The following NR5A2 variants were observed in gnomAD, a reference collection of about 807,000 sequenced individuals.
NR5A2 encodes the protein CYP7A promoter-binding factor.
A neutral mutation model predicts 62.7 loss-of-function variants in NR5A2; 26 were observed. That is an observed-to-expected ratio of 0.41 (90% CI 0.30 to 0.58). The LOEUF (loss-of-function observed/expected upper bound fraction) is 0.58. Ranked by LOEUF, NR5A2 falls within the 20% of genes least tolerant of loss-of-function variation. The pLI, the probability that NR5A2 is intolerant of heterozygous loss-of-function variation, is 0.22. For synonymous variants in NR5A2, 246 were observed against 241.7 expected, an observed-to-expected ratio of 1.02 and a Z score of -0.16; for missense variants, 541 against 669.1, an observed-to-expected ratio of 0.81 and a Z score of 2.11.
At chr1:200,070,698 C>T (rs1237301059) in intron 5 of NR5A2, among the ~76,000 whole-genome samples, 1 of 150,712 alleles carries the variant, frequency 6.6e-6, no homozygotes, top group African/African-American at 2.4e-5. Flanking sequence ...AAAAAAATCA[C>T]TCACTGTTCC....
At chr1:200,054,833 A>G (rs1000308757) in intron 5 of NR5A2, among the ~76,000 whole-genome samples, 6 of 152,078 alleles carry the variant, frequency 3.9e-5, no homozygotes, top group Non-Finnish European at 8.8e-5. Context: ...ATGCAGGCCT[A>G]TAATCTCAGA....
intron 1 of NR5A2, 72 bp downstream of exon 1, chr1:200,027,983 G>T: frequency 1.8e-6 from 2 of 1,115,012 alleles, no homozygotes; most frequent in South Asian, 1.7e-5. Context: ...TCTTGTTGAT[G>T]GATTTTGCAT....
At chr1:200,109,792 T>C (rs1426705125) in intron 5 of NR5A2, among the ~76,000 whole-genome samples, 2 of 152,212 alleles carry the variant, frequency 1.3e-5, no homozygotes, top group Admixed American at 6.5e-5. Flanking sequence ...TGAGATGGAA[T>C]CTTGCTCTGT....
intron 5 of NR5A2, among the ~76,000 whole-genome samples, chr1:200,078,801 T>C (rs1396716141): frequency 6.6e-6 from 1 of 152,234 alleles, no homozygotes; most frequent in African/African-American, 2.4e-5. Context: ...TAATGAATAG[T>C]GTAAGCCTCA....
intron 7 of NR5A2, among the ~76,000 whole-genome samples, chr1:200,156,633 G>A (rs897671879): frequency 5.3e-5 from 8 of 151,894 alleles, no homozygotes; most frequent in Non-Finnish European, 4.4e-5. Flanking sequence ...TCCTGACCTC[G>A]TGATCCACCC....
intron 5 of NR5A2, among the ~76,000 whole-genome samples, chr1:200,052,437 T>G (rs570886979): frequency 3.9e-5 from 6 of 152,186 alleles, no homozygotes; most frequent in Non-Finnish European, 1.5e-5. Flanking sequence ...CCTCCTGCCT[T>G]GGCCTCCTGA....
At chr1:200,088,216 T>G (rs117748982) in intron 5 of NR5A2, among the ~76,000 whole-genome samples, 2,909 of 149,892 alleles carry the variant, frequency 0.019, 38 homozygotes, top group East Asian at 0.052. Flanking sequence ...CTTGTTTTTT[T>G]TTGTTGTTGT....
At chr1:200,097,716 A>T (rs1337185002) in intron 5 of NR5A2, among the ~76,000 whole-genome samples, 1 of 152,208 alleles carries the variant, frequency 6.6e-6, no homozygotes, top group Non-Finnish European at 1.5e-5. Context: ...CCTCATGGGG[A>T]CAGATTCAAC....
chr1:200,097,070 TTCTC>T (rs1222686355), intron 5 of NR5A2, among the ~76,000 whole-genome samples: 1 of 152,206 alleles, frequency 6.6e-6, no homozygotes, highest in African/African-American at 2.4e-5. Flanking sequence ...CAATTCTTCT[TTCTC>T]TGAAAAATGC....
intron 7 of NR5A2, among the ~76,000 whole-genome samples, chr1:200,156,589 G>T (rs535706244): frequency 5.3e-5 from 8 of 152,142 alleles, no homozygotes; most frequent in African/African-American, 1.9e-4. Flanking sequence ...AGTAGAGAGG[G>T]TGTTTCACCA....
intron 5 of NR5A2, among the ~76,000 whole-genome samples, chr1:200,063,065 C>T (rs953412951): frequency 6.6e-6 from 1 of 151,724 alleles, no homozygotes; most frequent in African/African-American, 2.4e-5. Context: ...ATTCTGTCAC[C>T]CAGGCTGGAG....
chr1:200,091,724 C>T (rs1203608915), intron 5 of NR5A2, among the ~76,000 whole-genome samples: 1 of 152,046 alleles, frequency 6.6e-6, no homozygotes, highest in Non-Finnish European at 1.5e-5. Flanking sequence ...ACCTCGTGAT[C>T]CACTCGCCTC....
At chr1:200,065,936 A>G (rs534057441) in intron 5 of NR5A2, among the ~76,000 whole-genome samples, 1 of 152,186 alleles carries the variant, frequency 6.6e-6, no homozygotes, top group Non-Finnish European at 1.5e-5. Context: ...CTAAAAATCA[A>G]TGATTGTGGG....
intron 6 of NR5A2, among the ~76,000 whole-genome samples, chr1:200,117,050 T>A (rs576810782): frequency 6.6e-6 from 1 of 152,312 alleles, no homozygotes; most frequent in East Asian, 1.9e-4. Context: ...GCAATTTAGG[T>A]AAAACTGTTT....
At chr1:200,134,286 TCACTCAC>T (rs1237904794) in intron 7 of NR5A2, among the ~76,000 whole-genome samples, 1 of 152,182 alleles carries the variant, frequency 6.6e-6, no homozygotes. Flanking sequence ...ACCTTCCCAC[TCACTCAC>T]CACTCACTCA....
chr1:200,086,815 G>A (rs1664551061), intron 5 of NR5A2, among the ~76,000 whole-genome samples: 1 of 152,010 alleles, frequency 6.6e-6, no homozygotes, highest in Admixed American at 6.6e-5. Flanking sequence ...AAGGCGGCTA[G>A]ATCAACTGAG....
intron 7 of NR5A2, among the ~76,000 whole-genome samples, chr1:200,149,350 A>C (rs1376179464): frequency 6.6e-6 from 1 of 152,222 alleles, no homozygotes; most frequent in East Asian, 1.9e-4. Flanking sequence ...TTCCCACAAC[A>C]GTTGGCTTTG....
intron 6 of NR5A2, among the ~76,000 whole-genome samples, chr1:200,116,636 A>C (rs954290482): frequency 2.6e-5 from 4 of 152,170 alleles, no homozygotes; most frequent in African/African-American, 9.6e-5. Flanking sequence ...TAAGTTAGCT[A>C]TTATGTTTTA....
chr1:200,034,814 T>A (rs866276076), intron 1 of NR5A2, among the ~76,000 whole-genome samples: 1,280 of 101,722 alleles, frequency 0.013, 11 homozygotes, highest in South Asian at 0.026. Context: ...TTTTTTTTTT[T>A]AAACAAGGCA....
Sources: gnomAD v4.1 joint callset for allele counts (sites outside exome capture counted in the v4.1 genomes callset) on GRCh38, gnomAD v4.1.1 for gene constraint, MANE v1.5 for transcripts, NCBI Gene and HGNC (gene_info 2026-07-23, HGNC 2026-07-21) for gene names.